C10orf53: variants seen among roughly 807,000 people sequenced by gnomAD.
C10orf53 encodes the protein UPF0728 protein C10orf53.
A neutral mutation model predicts 9.4 loss-of-function variants in C10orf53; 8 were observed. That is an observed-to-expected ratio of 0.85 (90% CI 0.50 to 1.53). The LOEUF (loss-of-function observed/expected upper bound fraction) is 1.53. C10orf53 is among the 40% of genes most tolerant of loss of function. The pLI is 0.00. For missense variants in C10orf53, 117 were observed against 117.8 expected (o/e 0.99, Z 0.03); for synonymous variants, 48 against 46.0 (o/e 1.04, Z -0.18).
At chr10:49,707,137 A>G (rs938986272) in intron 2 of C10orf53, among the ~76,000 whole-genome samples, 1 of 131,508 alleles carries the variant, frequency 7.6e-6, no homozygotes, top group Admixed American at 7.7e-5. Flanking sequence ...CCTGCCTCAC[A>G]TGGACCATCT....
At chr10:49,684,174 G>A (rs1328835177) in intron 1 of C10orf53, among the ~76,000 whole-genome samples, 1 of 152,216 alleles carries the variant, frequency 6.6e-6, no homozygotes, top group African/African-American at 2.4e-5. Flanking sequence ...ATCAGTCACT[G>A]TGAACATTTA....
At chr10:49,685,907 C>A (rs1419103242) in intron 1 of C10orf53, among the ~76,000 whole-genome samples, 1 of 152,122 alleles carries the variant, frequency 6.6e-6, no homozygotes, top group Non-Finnish European at 1.5e-5. Context: ...ATTATTTCTT[C>A]AGATATTCTT....
chr10:49,686,842 G>C (rs527505961), intron 1 of C10orf53, among the ~76,000 whole-genome samples: 3 of 152,140 alleles, frequency 2.0e-5, no homozygotes, highest in South Asian at 4.1e-4. Context: ...ATTTTGCCTT[G>C]CCCTGTGATC....
At position 49,679,784 on chromosome 10, in the gene C10orf53, G is replaced by GGGCCTGCAA; in HGVS notation, c.90_97+1dup. The GGGCCTGCAA allele has an allele frequency of 6.5e-7, 1 of 1,539,632 alleles. No individual in the cohort carries two copies. Among genetic ancestry groups the GGGCCTGCAA allele is most frequent in the Non-Finnish European group, 8.7e-7 (1 of 1,143,102 alleles). Reference sequence around the variant, plus strand: ...TGGAGCACCACACCTTCCGCCTGCAGGGCCTGCAAGGTGGGCCTCCTCGCC... The same window carrying GGGCCTGCAA: ...TGGAGCACCACACCTTCCGCCTGCAGGGCCTGCAAGGCCTGCAAGGTGGGCCTCCTCGCC... On this transcript the variant is annotated inframe_insertion, in exon 1 of 3. Coordinates refer to ENST00000374111, the MANE Select transcript of C10orf53 (RefSeq NM_001042427.3).
At chr10:49,698,903 G>A (rs1016860661), downstream of C10orf53, among the ~76,000 whole-genome samples, 2 of 152,182 alleles carry the variant, frequency 1.3e-5, no homozygotes, top group South Asian at 2.1e-4. Flanking sequence ...AGGGTGGACA[G>A]CGTAGTGAGT....
exon 3 of C10orf53, chr10:49,710,109 C>G (rs1258239): frequency 0.89 from 135,783 of 152,330 alleles, 61,518 homozygotes; most frequent in East Asian, 0.97. Context: ...CTAGAGCCCA[C>G]CATAGCACTT....
chr10:49,701,691 C>A (rs1248794887), downstream of C10orf53, among the ~76,000 whole-genome samples: 1 of 152,174 alleles, frequency 6.6e-6, no homozygotes, highest in Non-Finnish European at 1.5e-5. Flanking sequence ...TCTCACCTAT[C>A]AGGCCCTCCT....
rs1590644769 is a variant in C10orf53 at position 49,694,755 on chromosome 10, T to C, written c.*153T>C. The C allele has an allele frequency of 9.0e-6, 13 of 1,436,944 alleles. 1 individual carries two copies. The East Asian group carries it at 3.2e-4, about 36-fold the overall frequency. 89.0% of individuals were successfully genotyped at this position (1,436,944 alleles called of 1,614,324 possible). ...GGCCTGACCTCCAGCTTACGCAGCCTCAGGATTGTCACCTGGCTGCACAGG... is the reference window on the plus strand; with the variant it reads ...GGCCTGACCTCCAGCTTACGCAGCCCCAGGATTGTCACCTGGCTGCACAGG... On this transcript the variant is annotated 3_prime_UTR_variant, in exon 3 of 3. Transcript: ENST00000374111.
intron 2 of C10orf53, 45 bp downstream of exon 2, chr10:49,693,938 G>A (rs2132883050): frequency 6.2e-7 from 1 of 1,612,750 alleles, no homozygotes; most frequent in East Asian, 2.2e-5. Flanking sequence ...TGCCTCCTCT[G>A]AGGAGTCCCT....
chr10:49,702,488 G>T (rs529781136), downstream of C10orf53, among the ~76,000 whole-genome samples: 8 of 152,204 alleles, frequency 5.3e-5, no homozygotes, highest in Non-Finnish European at 1.0e-4. Context: ...TAGAGTGAAA[G>T]GTGGGATTTG....
At chr10:49,706,428 G>A (rs939874563) in intron 2 of C10orf53, among the ~76,000 whole-genome samples, 1 of 152,204 alleles carries the variant, frequency 6.6e-6, no homozygotes, top group African/African-American at 2.4e-5. Context: ...TCTGATATAT[G>A]CTACAACAGG....
At chr10:49,687,201 A>G (rs1840536915) in intron 1 of C10orf53, among the ~76,000 whole-genome samples, 1 of 152,216 alleles carries the variant, frequency 6.6e-6, no homozygotes, top group Non-Finnish European at 1.5e-5. Context: ...TGTTTTGCTG[A>G]CATAAGTTCC....
In C10orf53 at chr10:49,696,944, C is replaced by T. The variant is rs1273255627; in HGVS notation, c.*2342C>T. ...CTATGGCTTTTGCCTGTAATCCCAG[C>T]ACTTTGGGAATCCAAGGTGGGTGGA... On this transcript the variant is annotated 3_prime_UTR_variant, in exon 3 of 3. Coordinates refer to ENST00000374111, the MANE Select transcript of C10orf53 (RefSeq NM_001042427.3). 6.6e-6 allele frequency among the ~76,000 whole-genome samples: 1 copy of T among 152,186 alleles called. No individual in the cohort carries two copies. The highest frequency in any genetic ancestry group is 1.5e-5 in the Non-Finnish European group (1 of 68,042).
At chr10:49,688,706 T>C (rs1206417153) in intron 1 of C10orf53, among the ~76,000 whole-genome samples, 1 of 149,308 alleles carries the variant, frequency 6.7e-6, no homozygotes, top group African/African-American at 2.5e-5. Flanking sequence ...CTGCAGTCCT[T>C]CAATGATCCT....
chr10:49,693,864 T>C lies in C10orf53; in HGVS notation c.188T>C (p.Phe63Ser). Residue 63 changes from phenylalanine (F) to serine (S), a missense_variant, in exon 2 of 3, where the codon TTC (phenylalanine) becomes TCC (serine). Physicochemically the swap from Phe to Ser is radical, Grantham distance 155 (BLOSUM62 -2). Transcript: ENST00000374111. ...CTCATGGTGAATGAAGAAGTCATCT[T>C]CCACTGCAACATTAAGGACTTGGAG... ...VELMVNEEVI[F>S]HCNIKDLEFG... 1 of 1,614,264 alleles carries C rather than the reference T, an allele frequency of 6.2e-7. No homozygotes were observed. Among genetic ancestry groups the C allele is most frequent in the Non-Finnish European group, 8.5e-7 (1 of 1,180,048 alleles).
In C10orf53 at chr10:49,696,068, CTGTT is replaced by C. The variant is rs1384403994; in HGVS notation, c.*1468_*1471del. On this transcript the variant is annotated 3_prime_UTR_variant, in exon 3 of 3. Transcript: ENST00000374111. ...TTATATATTTCAATTTGGGTTTCTT[CTGTT>C]TATGTCTGAATATTCATAAAGAGAT... 3 of 152,174 alleles carry C rather than the reference CTGTT, an allele frequency of 2.0e-5. No individual in the cohort carries two copies. Among genetic ancestry groups the C allele is most frequent in the Non-Finnish European group, 4.4e-5 (3 of 68,026 alleles). The allele number at this position is 152,174 out of a possible 1,614,324, so 9.4% of individuals were successfully genotyped here. A position where few individuals can be genotyped will look rare whatever the true frequency, so the allele number is the denominator to read the frequency against.
intron 1 of C10orf53, among the ~76,000 whole-genome samples, chr10:49,684,908 T>G (rs1840513093): frequency 6.6e-6 from 1 of 152,208 alleles, no homozygotes; most frequent in Admixed American, 6.5e-5. Flanking sequence ...AGTGCAAAGG[T>G]GGGCATCCTT....
chr10:49,684,034 G>A (rs1010364154), intron 1 of C10orf53, among the ~76,000 whole-genome samples: 1 of 151,996 alleles, frequency 6.6e-6, no homozygotes, highest in Non-Finnish European at 1.5e-5. Context: ...GTAATGTAAG[G>A]GTCCAAATTC....
At chr10:49,688,994 G>C (rs1026497367) in intron 1 of C10orf53, among the ~76,000 whole-genome samples, 1 of 152,162 alleles carries the variant, frequency 6.6e-6, no homozygotes, top group African/African-American at 2.4e-5. Context: ...TTGGAGGCAT[G>C]CTTTGAGGAG....
Sources: allele counts gnomAD v4.1 joint callset (sites outside exome capture counted in the v4.1 genomes callset), GRCh38; gene constraint gnomAD v4.1.1; transcripts MANE v1.5; gene names NCBI Gene and HGNC (gene_info 2026-07-23, HGNC 2026-07-21).